Variants in MED12L observed in about 807,000 individuals in gnomAD.
MED12L encodes mediator complex subunit 12L.
MED12L carries 60 observed loss-of-function variants against 281.3 expected under a neutral mutation model. That is an observed-to-expected ratio of 0.21 (90% confidence interval 0.17 to 0.26). The LOEUF is 0.26. Ranked by LOEUF, MED12L falls within the 10% of genes least tolerant of loss-of-function variation. The probability of loss-of-function intolerance (pLI) is 1.00; values close to 1 mark genes in which losing one functional copy is unlikely to be tolerated. For synonymous variants in MED12L, 974 were observed against 987.2 expected, an observed-to-expected ratio of 0.99 and a Z score of 0.25; for missense variants, 2,146 against 2,680.9, an observed-to-expected ratio of 0.80 and a Z score of 4.41.
chr3:151,087,073 C>T, intron 2 of MED12L, 48 bp downstream of exon 2: 2 of 1,481,764 alleles, frequency 1.3e-6, no homozygotes, highest in African/African-American at 2.8e-5. Context: ...CGCTCTGCAG[C>T]ACTGACCCGG....
intron 4 of MED12L, among the ~76,000 whole-genome samples, chr3:151,126,750 G>A (rs540467705): frequency 6.6e-6 from 1 of 152,200 alleles, no homozygotes; most frequent in Non-Finnish European, 1.5e-5. Context: ...ACTTTGGTTG[G>A]CATGGAGAAA....
At chr3:151,173,584 A>G (rs145012650) in intron 11 of MED12L, among the ~76,000 whole-genome samples, 36 of 152,358 alleles carry the variant, frequency 2.4e-4, no homozygotes, top group African/African-American at 7.9e-4. Context: ...AACATAGTAA[A>G]CAATATTTTA....
chr3:151,345,495 G>A (rs531028397), intron 16 of MED12L, among the ~76,000 whole-genome samples: 14 of 140,390 alleles, frequency 1.0e-4, no homozygotes, highest in East Asian at 8.5e-4. Flanking sequence ...AGGCTTCTAC[G>A]TTTTCTTTCT....
chr3:151,355,953 C>A lies in MED12L; in HGVS notation c.2575C>A (p.Leu859Ile). Residue 859 changes from leucine to isoleucine, a missense_variant, in exon 19 of 45, where the codon CTC becomes ATC. Leu to Ile is a conservative substitution (Grantham distance 5). Transcript: ENST00000687756. ...CTTTGCGTCAGGAACATCCTATCAT[C>A]TCCCTTTGGCTCACCACATTCAGCT... The part of the protein sequence containing the change: ...TSFASGTSYH[L>I]PLAHHIQLIF... The A allele has an allele frequency of 6.2e-7, 1 of 1,614,044 alleles. No individual in the cohort carries two copies. The highest frequency in any genetic ancestry group is 8.5e-7 in the Non-Finnish European group (1 of 1,179,960).
In MED12L at chr3:151,383,825, C is replaced by T. The variant is rs1448193231; in HGVS notation, c.4727C>T (p.Thr1576Ile). The T allele has an allele frequency of 6.2e-6, 10 of 1,613,840 alleles. No homozygotes were observed. The Admixed American group carries it at 8.3e-5, about 13-fold the overall frequency. Residue 1576 changes from threonine (T) to isoleucine (I), a missense_variant, in exon 34 of 45, where the codon ACA (threonine) becomes ATA (isoleucine). Thr to Ile is a moderately conservative substitution (Grantham distance 89). Transcript: ENST00000687756. Reference protein sequence around the residue: ...DTVQRSTQWTTDWALLLLQII... With the variant: ...DTVQRSTQWTIDWALLLLQII... Reference sequence around the variant, plus strand: ...GTGCAGAGGAGCACCCAGTGGACTACAGACTGGGCCCTGCTACTCCTTCAG... The same window carrying T: ...GTGCAGAGGAGCACCCAGTGGACTATAGACTGGGCCCTGCTACTCCTTCAG...
intron 16 of MED12L, among the ~76,000 whole-genome samples, chr3:151,240,460 T>A (rs1733851992): frequency 6.6e-6 from 1 of 152,366 alleles, no homozygotes; most frequent in South Asian, 2.1e-4. Flanking sequence ...TAGCATGTCT[T>A]GTTTAGTTTC....
At chr3:151,214,247 T>A in intron 16 of MED12L, 2 of 1,614,052 alleles carry the variant, frequency 1.2e-6, no homozygotes, top group Non-Finnish European at 1.7e-6. Flanking sequence ...ACAGGAATGA[T>A]CTGCTGAGTG....
chr3:151,160,015 A>G lies in MED12L; in HGVS notation c.1021A>G (p.Met341Val), dbSNP rs753436493. Residue 341 changes from methionine (M) to valine (V), a missense_variant, in exon 8 of 45, where the codon ATG becomes GTG. By Grantham distance (21) the Met-to-Val change is conservative (BLOSUM62 1). Coordinates refer to ENST00000687756, the MANE Select transcript of MED12L (RefSeq NM_001393769.1). ...APSPGPPGPG[M>V]SPVQLAFSDF... is the part of the protein sequence containing the mutation. The stretch of plus-strand genomic sequence containing the variant: ...CAGCCCTGGCCCCCCCGGCCCTGGC[A>G]TGAGCCCCGTGCAGCTGGCCTTCTC... 11 of 1,614,146 alleles carry G rather than the reference A, an allele frequency of 6.8e-6. No individual in the cohort carries two copies. Among genetic ancestry groups the G allele is most frequent in the East Asian group, 2.2e-5 (1 of 44,888 alleles).
chr3:151,410,791 C>A (rs368815984), intron 40 of MED12L, among the ~76,000 whole-genome samples: 69 of 152,302 alleles, frequency 4.5e-4, no homozygotes, highest in African/African-American at 1.6e-3. Flanking sequence ...ACTACACACA[C>A]ATTTATCAGA....
intron 11 of MED12L, among the ~76,000 whole-genome samples, chr3:151,167,163 A>AAGC (rs1280949619): frequency 1.3e-5 from 2 of 152,230 alleles, no homozygotes; most frequent in East Asian, 3.8e-4. Context: ...TAATATCTAA[A>AAGC]ATTGATAATC....
chr3:151,154,669 T>G (rs1164121260), intron 5 of MED12L, among the ~76,000 whole-genome samples: 2 of 152,212 alleles, frequency 1.3e-5, no homozygotes, highest in East Asian at 3.8e-4. Context: ...CATACAAAAG[T>G]TAGGATTTGG....
At chr3:151,297,762 T>C (rs559100683) in intron 16 of MED12L, among the ~76,000 whole-genome samples, 1 of 152,170 alleles carries the variant, frequency 6.6e-6, no homozygotes. Context: ...GAACACATTC[T>C]TATTAAATGA....
chr3:151,130,917 G>A (rs943694895), intron 5 of MED12L, among the ~76,000 whole-genome samples: 2 of 152,118 alleles, frequency 1.3e-5, no homozygotes, highest in African/African-American at 4.8e-5. Flanking sequence ...GAAGGACTTC[G>A]CTAGATTTGT....
intron 16 of MED12L, among the ~76,000 whole-genome samples, chr3:151,265,559 T>A (rs1386132646): frequency 6.6e-6 from 1 of 152,160 alleles, no homozygotes. Flanking sequence ...GATGACAGAT[T>A]TTCAGTTATA....
chr3:151,380,637 G>A (rs1214964283), intron 32 of MED12L, among the ~76,000 whole-genome samples: 2 of 149,332 alleles, frequency 1.3e-5, no homozygotes, highest in Non-Finnish European at 3.0e-5. Context: ...GTTACAAAAT[G>A]TTTTGAGTAG....
rs543148365 is a variant in MED12L at position 151,423,885 on chromosome 3, T to G, written c.6409-6414T>G. 2.0e-5 allele frequency among the ~76,000 whole-genome samples: 3 copies of G among 152,354 alleles called. No homozygotes were observed. In the South Asian group the frequency reaches 6.2e-4, roughly 32 times the overall value. On this transcript the variant is annotated intron_variant, in intron 43 of 44. Coordinates refer to ENST00000687756, the MANE Select transcript of MED12L (RefSeq NM_001393769.1). ...AGAAAGCTTTAAATAGTTGGCTTTTTACATCGACTGATCCTTGTGTCCGTT... is the reference window on the plus strand; with the variant it reads ...AGAAAGCTTTAAATAGTTGGCTTTTGACATCGACTGATCCTTGTGTCCGTT...
At chr3:151,207,699 A>G (rs1025209952) in intron 16 of MED12L, among the ~76,000 whole-genome samples, 1 of 146,252 alleles carries the variant, frequency 6.8e-6, no homozygotes, top group Middle Eastern at 3.5e-3. Context: ...AGAAAGTGGA[A>G]GGTGAGAAGC....
chr3:151,413,854 G>A (rs1208400098), intron 42 of MED12L, among the ~76,000 whole-genome samples: 1 of 151,224 alleles, frequency 6.6e-6, no homozygotes, highest in Non-Finnish European at 1.5e-5. Flanking sequence ...GTTAGATAAA[G>A]GGTTCTTCCC....
intron 16 of MED12L, chr3:151,198,546 C>G: frequency 6.2e-7 from 1 of 1,614,048 alleles, no homozygotes; most frequent in Non-Finnish European, 8.5e-7. Context: ...AGGATAGGAT[C>G]AAAGCACAGG....
Sources: allele counts gnomAD v4.1 joint callset (sites outside exome capture counted in the v4.1 genomes callset), GRCh38; gene constraint gnomAD v4.1.1; transcripts MANE v1.5; gene names NCBI Gene and HGNC (gene_info 2026-07-23, HGNC 2026-07-21).